Variants in FAP observed in about 807,000 individuals in gnomAD.
FAP encodes fibroblast activation protein alpha, also known as prolyl endopeptidase FAP.
A neutral mutation model predicts 126.5 loss-of-function variants in FAP; 110 were observed. The observed-to-expected ratio is 0.87, with a 90% CI of 0.74 to 1.02. The LOEUF is 1.02. Among genes scored for constraint, FAP ranks in the 50% least tolerant of loss-of-function variants. The pLI, the probability that FAP is intolerant of heterozygous loss-of-function variation, is 0.00. For missense variants in FAP, 919 were observed against 909.2 expected (o/e 1.01, Z -0.14); for synonymous variants, 334 against 297.3 (o/e 1.12, Z -1.27).
At chr2:162,242,207 A>G (rs1466608403) in intron 2 of FAP, among the ~76,000 whole-genome samples, 2 of 152,086 alleles carry the variant, frequency 1.3e-5, no homozygotes, top group Non-Finnish European at 2.9e-5. Flanking sequence ...CCCTAATATC[A>G]CTAGATTATC....
chr2:162,240,609 T>C (rs993970642), intron 2 of FAP, among the ~76,000 whole-genome samples: 5 of 152,208 alleles, frequency 3.3e-5, no homozygotes, highest in African/African-American at 1.2e-4. Flanking sequence ...CACTAATATG[T>C]AAATGAATGA....
At chr2:162,232,824 C>A (rs1689952260) in intron 2 of FAP, among the ~76,000 whole-genome samples, 2 of 152,140 alleles carry the variant, frequency 1.3e-5, no homozygotes, top group African/African-American at 2.4e-5. Flanking sequence ...TATAATCAAC[C>A]TAATGTGTAA....
At chr2:162,227,218 TAAAGAAAGTAGACCA>T (rs1189889481) in intron 2 of FAP, among the ~76,000 whole-genome samples, 1 of 152,114 alleles carries the variant, frequency 6.6e-6, no homozygotes, top group African/African-American at 2.4e-5. Flanking sequence ...GATTTTTATA[TAAAGAAAGTAGACCA>T]AAAGAAAAGA....
intron 2 of FAP, among the ~76,000 whole-genome samples, chr2:162,237,835 T>C (rs1241163168): frequency 6.6e-6 from 1 of 152,230 alleles, no homozygotes; most frequent in African/African-American, 2.4e-5. Flanking sequence ...GCATTCCTAT[T>C]TCTCCACATC....
At chr2:162,210,494 C>T (rs1308196930) in intron 11 of FAP, among the ~76,000 whole-genome samples, 1 of 152,138 alleles carries the variant, frequency 6.6e-6, no homozygotes, top group Non-Finnish European at 1.5e-5. Flanking sequence ...GAAGAACATT[C>T]TAGGTAAAAT....
chr2:162,215,810 C>A, intron 10 of FAP, 88 bp downstream of exon 10: 1 of 858,498 alleles, frequency 1.2e-6, no homozygotes. Context: ...CAACTCTTAT[C>A]TACTTATTTG....
intron 6 of FAP, 75 bp from the exon 7 acceptor site, chr2:162,220,000 A>G (rs1559787033): frequency 1.0e-6 from 1 of 1,003,430 alleles, no homozygotes; most frequent in African/African-American, 1.6e-5. Context: ...GTATGAACAG[A>G]AAAAATAAAC....
intron 16 of FAP, chr2:162,198,060 C>G (rs1559771897): frequency 1.2e-6 from 1 of 805,874 alleles, no homozygotes; most frequent in South Asian, 1.8e-5. Flanking sequence ...AAAGGTTGCA[C>G]ATAAAATAAA....
At chr2:162,197,790 C>T (rs146762215) in intron 16 of FAP, 121 of 367,600 alleles carry the variant, frequency 3.3e-4, no homozygotes, top group African/African-American at 2.2e-3. Flanking sequence ...CTTTAAGCCA[C>T]ATACCCCTAC....
intron 11 of FAP, among the ~76,000 whole-genome samples, chr2:162,213,396 A>T (rs577263717): frequency 1.8e-4 from 27 of 150,990 alleles, no homozygotes; most frequent in Middle Eastern, 3.4e-3. Context: ...AAAAAACAAA[A>T]AAACAAACAA....
At chr2:162,192,366 C>T (rs1444118775) in intron 17 of FAP, among the ~76,000 whole-genome samples, 1 of 151,986 alleles carries the variant, frequency 6.6e-6, no homozygotes, top group East Asian at 1.9e-4. Context: ...ATTATTTCCT[C>T]CTCCTTGAGC....
At chr2:162,206,715 CA>C (rs1688710670) in intron 12 of FAP, among the ~76,000 whole-genome samples, 1 of 152,028 alleles carries the variant, frequency 6.6e-6, no homozygotes, top group Admixed American at 6.6e-5. Flanking sequence ...CAGAGCAAAA[CA>C]AAACAAACAT....
intron 12 of FAP, 79 bp downstream of exon 12, chr2:162,209,873 T>A (rs1367133129): frequency 1.6e-6 from 2 of 1,253,222 alleles, no homozygotes; most frequent in South Asian, 2.4e-5. Flanking sequence ...CCAGTTTGGG[T>A]ACATTGCAAA....
At chr2:162,239,416 T>C (rs2106307000) in intron 2 of FAP, among the ~76,000 whole-genome samples, 1 of 152,216 alleles carries the variant, frequency 6.6e-6, no homozygotes, top group African/African-American at 2.4e-5. Flanking sequence ...CTTCTTTCCT[T>C]TTGTTTTGCT....
chr2:162,235,137 C>G (rs1285351166), intron 2 of FAP, among the ~76,000 whole-genome samples: 1 of 151,132 alleles, frequency 6.6e-6, no homozygotes, highest in Non-Finnish European at 1.5e-5. Context: ...TCCCCCCACT[C>G]CCCCAGTCCC....
intron 2 of FAP, among the ~76,000 whole-genome samples, chr2:162,241,268 T>C (rs559651144): frequency 1.3e-5 from 2 of 152,334 alleles, no homozygotes; most frequent in South Asian, 4.1e-4. Context: ...TAGAATTGTA[T>C]TATAAATTAC....
chr2:162,216,832 T>C (rs370648715), intron 9 of FAP, among the ~76,000 whole-genome samples: 1 of 152,296 alleles, frequency 6.6e-6, no homozygotes, highest in East Asian at 1.9e-4. Context: ...CCCTTAGTTT[T>C]TGGGATGGTC....
intron 21 of FAP, among the ~76,000 whole-genome samples, chr2:162,177,091 A>G (rs1687514267): frequency 6.6e-6 from 1 of 152,150 alleles, no homozygotes; most frequent in Admixed American, 6.6e-5. Flanking sequence ...CCCCCCCTCC[A>G]TGAGTGGGGC....
chr2:162,226,673 A>G (rs931558405), intron 2 of FAP, 52 bp from the exon 3 acceptor site: 1 of 956,734 alleles, frequency 1.0e-6, no homozygotes, highest in African/African-American at 1.6e-5. Context: ...TAACAACTCA[A>G]ATAAATTCTA....
Sources: gnomAD v4.1 joint callset for allele counts (sites outside exome capture counted in the v4.1 genomes callset) on GRCh38, gnomAD v4.1.1 for gene constraint, MANE v1.5 for transcripts, NCBI Gene and HGNC (gene_info 2026-07-23, HGNC 2026-07-21) for gene names.